Variants in LSM14A observed in about 807,000 individuals in gnomAD.
The protein encoded by LSM14A is LSM14A mRNA processing body assembly factor.
A neutral mutation model predicts 52.4 loss-of-function variants in LSM14A; 14 were observed. The observed-to-expected ratio is 0.27, with a 90% CI of 0.18 to 0.42. LSM14A has a LOEUF of 0.42. Ranked by LOEUF, LSM14A falls within the 10% of genes least tolerant of loss-of-function variation. The pLI is 1.00. For synonymous variants in LSM14A, 185 were observed against 200.3 expected, an observed-to-expected ratio of 0.92 and a Z score of 0.64; for missense variants, 417 against 581.8, an observed-to-expected ratio of 0.72 and a Z score of 2.91.
rs2073467989 is a variant in LSM14A, at chr19:34,228,931, T to G, written c.*1543T>G. The G allele has an allele frequency of 6.6e-6, 1 of 152,630 alleles. No individual in the cohort carries two copies. The highest frequency in any genetic ancestry group is 1.5e-5 in the Non-Finnish European group (1 of 68,052). 9.5% of individuals were successfully genotyped at this position (152,630 alleles called of 1,614,324 possible). ...GATCCAGTACTTGGCAGCCATAGTT[T>G]AGACAATATTGTTCAGTGCTGTTTG... On this transcript the variant is annotated 3_prime_UTR_variant, in exon 10 of 10. Transcript: ENST00000544216.
At chr19:34,226,586 G>C (rs878916583) in intron 9 of LSM14A, 1 of 834,296 alleles carries the variant, frequency 1.2e-6, no homozygotes, top group South Asian at 2.1e-5. Context: ...TAATAACGGG[G>C]TGCAAATGTT....
intron 1 of LSM14A, among the ~76,000 whole-genome samples, chr19:34,184,035 C>A (rs1451279283): frequency 6.7e-6 from 1 of 148,176 alleles, no homozygotes; most frequent in Non-Finnish European, 1.5e-5. Context: ...GATCTACTTT[C>A]TTTTCTAGAC....
Position 34,227,681 on chromosome 19 carries a change from G to A in LSM14A, c.*293G>A, listed in dbSNP as rs1039382398. ...GCAGTACTTCAGTGGGACTTAACAA[G>A]TATTTTTTCATCACTGAAAGGTTTT... On this transcript the variant is annotated 3_prime_UTR_variant, in exon 10 of 10. Transcript: ENST00000544216. The A allele has an allele frequency of 1.3e-4, 39 of 299,814 alleles. No individual in the cohort carries two copies. The highest frequency in any genetic ancestry group is 2.0e-4 in the Non-Finnish European group (33 of 164,742). The allele number at this position is 299,814 out of a possible 1,614,324, so 18.6% of individuals were successfully genotyped here.
intron 4 of LSM14A, among the ~76,000 whole-genome samples, chr19:34,212,397 T>C (rs980392840): frequency 6.6e-5 from 10 of 152,306 alleles, no homozygotes; most frequent in Non-Finnish European, 8.8e-5. Context: ...CAATTAATAA[T>C]GTTGCCTGAT....
intron 1 of LSM14A, among the ~76,000 whole-genome samples, chr19:34,178,021 C>T (rs1186505399): frequency 1.3e-5 from 2 of 151,716 alleles, no homozygotes; most frequent in South Asian, 2.1e-4. Context: ...ATTATCTGGG[C>T]GTGCTGGTGC....
At chr19:34,218,358 C>G (rs10417061) in intron 6 of LSM14A, among the ~76,000 whole-genome samples, 2 of 151,770 alleles carry the variant, frequency 1.3e-5, no homozygotes, top group Non-Finnish European at 2.9e-5. Flanking sequence ...GGCTTGTGGC[C>G]GAGGCATTTT....
rs923409987 is a variant in LSM14A, at chr19:34,206,791, A to G, written c.416-2138A>G. ...CTGGATCGTTACAAGAAAATTATAG[A>G]TCATTGTCCCCCATGAACATAAACG... is the stretch of plus-strand genomic sequence containing the variant. On this transcript the variant is annotated intron_variant, in intron 3 of 9. Transcript: ENST00000544216. 7.2e-5 allele frequency among the ~76,000 whole-genome samples: 11 copies of G among 152,296 alleles called. 1 individual carries two copies. Among genetic ancestry groups the G allele is most frequent in the Middle Eastern group, 3.4e-3 (1 of 294 alleles).
intron 3 of LSM14A, among the ~76,000 whole-genome samples, chr19:34,205,135 TAAAAAG>T (rs889595313): frequency 6.6e-6 from 1 of 150,900 alleles, no homozygotes; most frequent in Non-Finnish European, 1.5e-5. Flanking sequence ...TTGTCTCAAA[TAAAAAG>T]GAAAAGAAAA....
chr19:34,219,333 G>T, intron 6 of LSM14A, 58 bp from the exon 7 acceptor site: 4 of 1,233,386 alleles, frequency 3.2e-6, no homozygotes, highest in Non-Finnish European at 4.6e-6. Context: ...AGCAACATCT[G>T]TGCTAAACCA....
chr19:34,214,654 A>G (rs1213322032), intron 4 of LSM14A, among the ~76,000 whole-genome samples: 1 of 152,204 alleles, frequency 6.6e-6, no homozygotes, highest in Non-Finnish European at 1.5e-5. Flanking sequence ...ATACCTGTAG[A>G]TAGATGTAAA....
intron 1 of LSM14A, among the ~76,000 whole-genome samples, chr19:34,190,979 T>A (rs2070334502): frequency 6.6e-6 from 1 of 152,108 alleles, no homozygotes; most frequent in Non-Finnish European, 1.5e-5. Context: ...TATCTTTAAT[T>A]ATATTTTTCT....
chr19:34,183,081 T>G (rs1370336338), intron 1 of LSM14A, among the ~76,000 whole-genome samples: 2 of 152,194 alleles, frequency 1.3e-5, no homozygotes, highest in African/African-American at 2.4e-5. Flanking sequence ...CTCTTGGTTT[T>G]ATCATTTGGA....
At chr19:34,215,086 C>T (rs771480282) in intron 4 of LSM14A, 38 bp from the exon 5 acceptor site, 27 of 1,541,668 alleles carry the variant, frequency 1.8e-5, no homozygotes, top group Non-Finnish European at 2.4e-5. Flanking sequence ...TTTGAAATCC[C>T]CAATAGGGTA....
chr19:34,216,832 A>G (rs910974288), intron 6 of LSM14A, among the ~76,000 whole-genome samples: 1 of 152,162 alleles, frequency 6.6e-6, no homozygotes, highest in African/African-American at 2.4e-5. Context: ...ACATTTTCCT[A>G]TGGCTTCTAC....
chr19:34,209,081 A>G, intron 4 of LSM14A, 30 bp downstream of exon 4: 1 of 1,519,234 alleles, frequency 6.6e-7, no homozygotes, highest in Non-Finnish European at 8.9e-7. Context: ...AAATATTTCC[A>G]TTCTAAACTT....
Position 34,215,759 on chromosome 19 carries a change from G to A in LSM14A, c.781+98G>A. 6 of 855,300 alleles carry A rather than the reference G, an allele frequency of 7.0e-6. No homozygotes were observed. The South Asian group carries it at 8.0e-5, about 11-fold the overall frequency. The allele number at this position is 855,300 out of a possible 1,614,324, so 53.0% of individuals were successfully genotyped here. On this transcript the variant is annotated intron_variant, in intron 6 of 9. Transcript: ENST00000544216. ...ATTACTATAAAAAAATGAAAGGCGGGGGTTGTGACTGTAAAGGAGGAGCAC... is the reference window on the plus strand; with the variant it reads ...ATTACTATAAAAAAATGAAAGGCGGAGGTTGTGACTGTAAAGGAGGAGCAC...
chr19:34,222,468 A>C (rs2073117952), intron 9 of LSM14A, among the ~76,000 whole-genome samples: 1 of 152,250 alleles, frequency 6.6e-6, no homozygotes, highest in Non-Finnish European at 1.5e-5. Flanking sequence ...ATCTCAGTTA[A>C]CAGTAAACTA....
In LSM14A at chr19:34,172,669, C is replaced by T. The variant is rs763315155; in HGVS notation, c.27C>T (p.Gly9=). MSGGTPYI[G]SKISLISKAE... is the part of the protein sequence containing the mutation. Reference sequence around the variant, plus strand: ...TGAGCGGGGGCACCCCTTACATCGGCAGCAAGATCAGCCTCATCTCCAAGG... The same window carrying T: ...TGAGCGGGGGCACCCCTTACATCGGTAGCAAGATCAGCCTCATCTCCAAGG... The change falls in exon 1 of 10, where the codon GGC becomes GGT. Residue 9 remains glycine (G), a synonymous_variant. Coordinates refer to ENST00000544216, the MANE Select transcript of LSM14A (RefSeq NM_015578.4). 3 of 1,577,084 alleles carry T rather than the reference C, an allele frequency of 1.9e-6. No homozygotes were observed. Among genetic ancestry groups the T allele is most frequent in the Non-Finnish European group, 2.6e-6 (3 of 1,163,612 alleles).
chr19:34,192,822 T>C (rs2070544311), intron 1 of LSM14A, among the ~76,000 whole-genome samples: 1 of 150,862 alleles, frequency 6.6e-6, no homozygotes, highest in African/African-American at 2.4e-5. Context: ...TAAAAAAAAA[T>C]ACAAAAATTA....
Sources: allele counts gnomAD v4.1 joint callset (sites outside exome capture counted in the v4.1 genomes callset), GRCh38; gene constraint gnomAD v4.1.1; transcripts MANE v1.5; gene names NCBI Gene and HGNC (gene_info 2026-07-23, HGNC 2026-07-21).